Variants in FRAS1 observed in about 807,000 individuals in gnomAD.
FRAS1 encodes Fraser extracellular matrix complex subunit 1.
A neutral mutation model predicts 435.2 loss-of-function variants in FRAS1; 290 were observed. The observed-to-expected ratio is 0.67, with a 90% confidence interval of 0.61 to 0.73. The LOEUF (loss-of-function observed/expected upper bound fraction) is 0.73. FRAS1 is among the 30% of genes least tolerant of loss of function. The probability of loss-of-function intolerance (pLI) is 0.00; values close to 1 mark genes in which losing one functional copy is unlikely to be tolerated. For synonymous variants in FRAS1, 1,800 were observed against 1,851.0 expected, an observed-to-expected ratio of 0.97 and a Z score of 0.71; for missense variants, 4,860 against 5,001.5, an observed-to-expected ratio of 0.97 and a Z score of 0.85.
intron 60 of FRAS1, 33 bp downstream of exon 60, chr4:78,496,994 G>A (rs753160794): frequency 6.4e-7 from 1 of 1,565,424 alleles, no homozygotes; most frequent in Non-Finnish European, 8.8e-7. Context: ...GTTACTCTTA[G>A]GTTGAGGGGA....
intron 2 of FRAS1, among the ~76,000 whole-genome samples, chr4:78,113,230 T>G (rs897332334): frequency 6.6e-6 from 1 of 152,230 alleles, no homozygotes; most frequent in African/African-American, 2.4e-5. Flanking sequence ...TCTATCATTG[T>G]TGGACATTTG....
rs532187160 is a variant in FRAS1 at position 78,478,028 on chromosome 4, G to A, written c.8065G>A (p.Ala2689Thr). ...GAAGATCTACTGGGTTAACGAGAGCGCTGGTTTTCTGTTTGCACCTATTGA... is the reference window on the plus strand; with the variant it reads ...GAAGATCTACTGGGTTAACGAGAGCACTGGTTTTCTGTTTGCACCTATTGA... ...DKKIYWVNES[A>T]GFLFAPIERK... The change falls in exon 55 of 74, where the codon GCT becomes ACT. Residue 2689 changes from alanine to threonine, a missense_variant. Physicochemically the swap from Ala to Thr is moderately conservative, Grantham distance 58. Transcript: ENST00000512123. 3.2e-5 allele frequency: 51 copies of A among 1,587,634 alleles called. No homozygotes were observed. The highest frequency in any genetic ancestry group is 6.7e-5 in the African/African-American group (5 of 74,498).
At chr4:78,394,903 T>C (rs567044621) in intron 29 of FRAS1, among the ~76,000 whole-genome samples, 1 of 152,140 alleles carries the variant, frequency 6.6e-6, no homozygotes, top group African/African-American at 2.4e-5. Context: ...ATAGCTTTCA[T>C]TGGCATATCT....
intron 58 of FRAS1, among the ~76,000 whole-genome samples, chr4:78,484,258 G>A (rs1338862440): frequency 2.0e-5 from 3 of 152,058 alleles, no homozygotes. Flanking sequence ...GCTTTTCATT[G>A]TATGGATTTA....
Position 78,333,323 on chromosome 4 carries a change from CA to C in FRAS1, c.2190del (p.Asp731ThrfsTer239). ...RCAGKSPHNCTDCGPSHVLLD... is the reference protein window; with the variant it reads ...RCAGKSPHNCXDCGPSHVLLD... ...GCAGGGAAAAGCCCACATAACTGCA[CA>C]GACTGTGGGCCTTCCCATGTGCTGT... On this transcript the variant is annotated frameshift_variant, in exon 19 of 74. Transcript: ENST00000512123. LOFTEE classifies it high-confidence loss of function. 6.2e-7 allele frequency: 1 copy of C among 1,612,350 alleles called. No individual in the cohort carries two copies. Among genetic ancestry groups the C allele is most frequent in the Non-Finnish European group, 8.5e-7 (1 of 1,179,228 alleles).
chr4:78,417,431 G>T (rs1167421387), intron 32 of FRAS1, among the ~76,000 whole-genome samples: 1 of 152,148 alleles, frequency 6.6e-6, no homozygotes, highest in East Asian at 1.9e-4. Context: ...TTGTCTGTTA[G>T]TTGTACCCAC....
intron 2 of FRAS1, among the ~76,000 whole-genome samples, chr4:78,068,897 T>A (rs1740192624): frequency 6.6e-6 from 1 of 151,704 alleles, no homozygotes. Flanking sequence ...TCACTGCTGC[T>A]CTCTCTCCAC....
At chr4:78,331,666 T>C (rs1186202655) in intron 18 of FRAS1, among the ~76,000 whole-genome samples, 1 of 152,132 alleles carries the variant, frequency 6.6e-6, no homozygotes, top group Non-Finnish European at 1.5e-5. Context: ...TCAGAGGGTG[T>C]CTCTGCAGTC....
intron 70 of FRAS1, among the ~76,000 whole-genome samples, chr4:78,530,360 C>T (rs1250378861): frequency 6.6e-6 from 1 of 151,932 alleles, no homozygotes; most frequent in African/African-American, 2.4e-5. Context: ...GTTGGGGGTC[C>T]TTGCTTTACA....
chr4:78,112,162 A>G (rs976053925), intron 2 of FRAS1, among the ~76,000 whole-genome samples: 3 of 152,194 alleles, frequency 2.0e-5, no homozygotes, highest in African/African-American at 7.2e-5. Flanking sequence ...GAGAAAGGAA[A>G]AATGTCTAAT....
chr4:78,177,436 T>C (rs1303771074), intron 2 of FRAS1, among the ~76,000 whole-genome samples: 1 of 152,176 alleles, frequency 6.6e-6, no homozygotes, highest in African/African-American at 2.4e-5. Flanking sequence ...AGTATGGCCA[T>C]GGGCAACTCA....
intron 38 of FRAS1, among the ~76,000 whole-genome samples, chr4:78,435,496 T>C (rs1306666829): frequency 2.0e-5 from 3 of 152,128 alleles, no homozygotes; most frequent in Admixed American, 2.0e-4. Context: ...CCCAGCACTT[T>C]GGGAGGACGA....
chr4:78,059,845 G>A (rs1378961962), intron 1 of FRAS1, among the ~76,000 whole-genome samples: 1 of 145,596 alleles, frequency 6.9e-6, no homozygotes, highest in Non-Finnish European at 1.5e-5. Flanking sequence ...CTGGGAGGTG[G>A]GGATGGGGGG....
intron 63 of FRAS1, among the ~76,000 whole-genome samples, chr4:78,509,415 G>A (rs186403556): frequency 7.9e-5 from 12 of 151,978 alleles, no homozygotes; most frequent in Admixed American, 2.6e-4. Flanking sequence ...ATCTCCAATC[G>A]TTCAATAAGT....
intron 15 of FRAS1, among the ~76,000 whole-genome samples, chr4:78,311,020 T>A (rs1728995676): frequency 1.3e-5 from 2 of 152,202 alleles, no homozygotes; most frequent in South Asian, 4.1e-4. Context: ...ATATTAGATA[T>A]AAAGAGTGGG....
intron 22 of FRAS1, among the ~76,000 whole-genome samples, chr4:78,364,980 G>C (rs1263878256): frequency 6.6e-6 from 1 of 152,030 alleles, no homozygotes; most frequent in Non-Finnish European, 1.5e-5. Flanking sequence ...CTAGGCCTCA[G>C]TTTCTTTTTT....
intron 4 of FRAS1, among the ~76,000 whole-genome samples, chr4:78,247,791 A>G (rs72657020): frequency 0.055 from 8,405 of 152,206 alleles, 306 homozygotes; most frequent in Non-Finnish European, 0.084. Flanking sequence ...AGGGCGGGTA[A>G]TGGAGACTCC....
intron 67 of FRAS1, among the ~76,000 whole-genome samples, chr4:78,520,235 T>C (rs1560424177): frequency 6.8e-6 from 1 of 146,070 alleles, no homozygotes; most frequent in South Asian, 2.1e-4. Context: ...CCAATCGTTC[T>C]TGGTTATTTT....
intron 2 of FRAS1, among the ~76,000 whole-genome samples, chr4:78,179,233 T>G (rs569717234): frequency 6.6e-6 from 1 of 152,254 alleles, no homozygotes; most frequent in Non-Finnish European, 1.5e-5. Flanking sequence ...TCTCACCGAC[T>G]GGAAGTGTAT....
Sources: allele counts gnomAD v4.1 joint callset (sites outside exome capture counted in the v4.1 genomes callset), GRCh38; gene constraint gnomAD v4.1.1; transcripts MANE v1.5; gene names NCBI Gene and HGNC (gene_info 2026-07-23, HGNC 2026-07-21).